The following GRB2 variants were observed in gnomAD, a reference collection of about 807,000 sequenced individuals.
The protein encoded by GRB2 is growth factor receptor bound protein 2, also known as growth factor receptor-bound protein 2.
In GRB2, 2 loss-of-function variants were observed where a neutral mutation model predicts 27.4. The ratio of observed to expected loss-of-function variants is 0.07; its 90% CI spans 0.03 to 0.23. The LOEUF (loss-of-function observed/expected upper bound fraction) is 0.23. Among genes scored for constraint, GRB2 ranks in the 10% least tolerant of loss-of-function variants. The pLI is 1.00. For synonymous variants in GRB2, 94 were observed against 99.6 expected, an observed-to-expected ratio of 0.94 and a Z score of 0.33; for missense variants, 102 against 282.4, an observed-to-expected ratio of 0.36 and a Z score of 4.58.
intron 2 of GRB2, among the ~76,000 whole-genome samples, chr17:75,358,376 G>C (rs558012241): frequency 8.3e-4 from 127 of 152,104 alleles, no homozygotes; most frequent in African/African-American, 3.0e-3. Flanking sequence ...CTACACTATG[G>C]GTGGAGTGTG....
At chr17:75,378,899 C>T (rs923212367) in intron 2 of GRB2, among the ~76,000 whole-genome samples, 3 of 152,188 alleles carry the variant, frequency 2.0e-5, no homozygotes, top group Non-Finnish European at 4.4e-5. Flanking sequence ...GGAAAATTCA[C>T]ACAAATTTCG....
chr17:75,322,055 T>C (rs1019494840), intron 4 of GRB2, among the ~76,000 whole-genome samples: 2 of 152,118 alleles, frequency 1.3e-5, no homozygotes, highest in Non-Finnish European at 2.9e-5. Context: ...CCATCAGTCA[T>C]TCTCATTCTG....
chr17:75,361,663 C>T (rs58935635), intron 2 of GRB2, among the ~76,000 whole-genome samples: 32,773 of 151,918 alleles, frequency 0.22, 5,526 homozygotes, highest in African/African-American at 0.47. Flanking sequence ...AGTGGGGAGA[C>T]GGTGATGCAT....
At chr17:75,365,957 T>C (rs115283712) in intron 2 of GRB2, among the ~76,000 whole-genome samples, 313 of 152,312 alleles carry the variant, frequency 2.1e-3, no homozygotes, top group African/African-American at 7.5e-3. Context: ...CTCTCTTTCA[T>C]AGTCGTACCT....
chr17:75,368,361 G>GC (rs35442595), intron 2 of GRB2, among the ~76,000 whole-genome samples: 3,660 of 151,062 alleles, frequency 0.024, 69 homozygotes, highest in Non-Finnish European at 0.039. Context: ...GATTACAGGC[G>GC]CCCCCCACCG....
At chr17:75,364,856 C>T (rs927081433) in intron 2 of GRB2, among the ~76,000 whole-genome samples, 1 of 151,464 alleles carries the variant, frequency 6.6e-6, no homozygotes, top group Admixed American at 6.6e-5. Flanking sequence ...CCCAGCCAAG[C>T]AGAAAAAGGC....
At chr17:75,385,059 G>GA (rs2078955072) in intron 2 of GRB2, among the ~76,000 whole-genome samples, 7 of 25,402 alleles carry the variant, frequency 2.8e-4, no homozygotes, top group Non-Finnish European at 6.0e-4. Context: ...AAAAAAAAAA[G>GA]CAAACAAACA....
chr17:75,399,810 T>C (rs1046584553), intron 1 of GRB2, among the ~76,000 whole-genome samples: 4 of 150,608 alleles, frequency 2.7e-5, no homozygotes, highest in Admixed American at 2.0e-4. Context: ...GCTGGGACTA[T>C]AGGTGCCCAC....
chr17:75,346,133 C>T (rs114355959), intron 2 of GRB2, among the ~76,000 whole-genome samples: 1,730 of 148,386 alleles, frequency 0.012, 34 homozygotes, highest in African/African-American at 0.039. Flanking sequence ...TGATGAGATG[C>T]TGCTCAGTGG....
intron 3 of GRB2, 107 bp from the exon 4 acceptor site, chr17:75,326,127 CT>C: frequency 7.6e-7 from 1 of 1,315,144 alleles, no homozygotes; most frequent in Non-Finnish European, 1.1e-6. Context: ...AGGAAGGGGC[CT>C]CCCTCCTCAT....
intron 2 of GRB2, among the ~76,000 whole-genome samples, chr17:75,350,289 A>C (rs2078682309): frequency 6.8e-6 from 1 of 148,086 alleles, no homozygotes; most frequent in African/African-American, 2.4e-5. Context: ...GCCTATTTTG[A>C]GTTAGGAGCT....
At chr17:75,384,888 T>C (rs1272491221) in intron 2 of GRB2, among the ~76,000 whole-genome samples, 1 of 150,536 alleles carries the variant, frequency 6.6e-6, no homozygotes, top group Non-Finnish European at 1.5e-5. Flanking sequence ...TTGACCTCAT[T>C]TGTGTATAGA....
chr17:75,320,948 C>T lies in GRB2; in HGVS notation c.469-395G>A, dbSNP rs1391658706. On this transcript the variant is annotated intron_variant, in intron 5 of 5. Coordinates refer to ENST00000316804, the MANE Select transcript of GRB2 (RefSeq NM_002086.5). The surrounding 1 kb of genome is among the most constrained non-coding windows in gnomAD (Gnocchi z 4.3). ...TATTAAAGCCTAAAGTTCTGGAGCT[C>T]GAATAACATAAGGGGCTCTAACCGT... Among the ~76,000 whole-genome samples the T allele has an allele frequency of 1.3e-5, 2 of 152,038 alleles. No homozygotes were observed. The highest frequency in any genetic ancestry group is 2.4e-5 in the African/African-American group (1 of 41,368).
At chr17:75,325,061 C>G (rs566271796) in intron 4 of GRB2, among the ~76,000 whole-genome samples, 98 of 151,908 alleles carry the variant, frequency 6.5e-4, no homozygotes, top group Non-Finnish European at 1.3e-3. Flanking sequence ...GGGGACAGAG[C>G]GAGACTCTGT....
chr17:75,331,287 T>C (rs1198049528), intron 3 of GRB2, among the ~76,000 whole-genome samples: 1 of 152,008 alleles, frequency 6.6e-6, no homozygotes, highest in Non-Finnish European at 1.5e-5. Flanking sequence ...AGTCTGCAAA[T>C]AACAACACAG....
Position 75,325,972 on chromosome 17 carries a change from G to A in GRB2, c.225C>T (p.Ser75=). ...IPRAKAEEML[S]KQRHDGAFLI... ...GAAAGGCCCCATCGTGCCGCTGTTTGCTAAGCATTTCTTCTGCCTTGGCTC... is the reference window on the plus strand; with the variant it reads ...GAAAGGCCCCATCGTGCCGCTGTTTACTAAGCATTTCTTCTGCCTTGGCTC... The change falls in exon 4 of 6, where the codon AGC becomes AGT. Residue 75 remains serine (S), a synonymous_variant. Coordinates refer to ENST00000316804, the MANE Select transcript of GRB2 (RefSeq NM_002086.5). 2 of 1,614,068 alleles carry A rather than the reference G, an allele frequency of 1.2e-6. No individual in the cohort carries two copies. The highest frequency in any genetic ancestry group is 1.7e-6 in the Non-Finnish European group (2 of 1,179,966).
intron 2 of GRB2, among the ~76,000 whole-genome samples, chr17:75,342,773 G>GC (rs1453023142): frequency 2.6e-5 from 4 of 152,144 alleles, no homozygotes; most frequent in Admixed American, 2.6e-4. Flanking sequence ...TAGGCTGGGT[G>GC]CAGTGGCTCA....
intron 2 of GRB2, among the ~76,000 whole-genome samples, chr17:75,376,091 C>T (rs2078891595): frequency 6.6e-6 from 1 of 150,768 alleles, no homozygotes; most frequent in Non-Finnish European, 1.5e-5. Context: ...GCCTGTAATC[C>T]CAGCACTTTG....
chr17:75,349,214 C>T (rs2078673418), intron 2 of GRB2, among the ~76,000 whole-genome samples: 5 of 152,186 alleles, frequency 3.3e-5, no homozygotes, highest in Admixed American at 1.3e-4. Flanking sequence ...TGCCAGACTA[C>T]ACATTGCTCT....
Sources: allele counts gnomAD v4.1 joint callset (sites outside exome capture counted in the v4.1 genomes callset), GRCh38; gene constraint gnomAD v4.1.1; non-coding constraint Gnocchi (gnomAD v3.1); transcripts MANE v1.5; gene names NCBI Gene and HGNC (gene_info 2026-07-23, HGNC 2026-07-21).